SEPTIN9: variants seen among roughly 807,000 people sequenced by gnomAD.
SEPTIN9 encodes septin 9.
SEPTIN9 carries 13 observed loss-of-function variants against 56.6 expected under a neutral mutation model. The ratio of observed to expected loss-of-function variants is 0.23; its 90% CI spans 0.15 to 0.37. SEPTIN9 has a LOEUF of 0.37. Among genes scored for constraint, SEPTIN9 ranks in the 10% least tolerant of loss-of-function variants. The pLI is 1.00. For synonymous variants in SEPTIN9, 332 were observed against 334.1 expected (o/e 0.99, Z 0.07); for missense variants, 650 against 823.1 (o/e 0.79, Z 2.57).
At chr17:77,284,240 T>C (rs1456476090) in intron 1 of SEPTIN9, among the ~76,000 whole-genome samples, 1 of 146,226 alleles carries the variant, frequency 6.8e-6, no homozygotes, top group Non-Finnish European at 1.5e-5. Flanking sequence ...GCTGCAGCCC[T>C]GTGACAGCGC....
Position 77,425,990 on chromosome 17 carries a change from A to G in SEPTIN9, c.721+23287A>G, listed in dbSNP as rs1466643085. ...AGTTCAGGCCATGCCCTCAGACTGG[A>G]GGATAGGATCGGAACAGTGGGTCAG... is the stretch of plus-strand genomic sequence containing the variant. On this transcript the variant is annotated intron_variant, in intron 3 of 11. Coordinates refer to ENST00000427177, the MANE Select transcript of SEPTIN9 (RefSeq NM_001113491.2). This position sits in a 1 kb window ranked among gnomAD's most constrained non-coding sequence, Gnocchi z 4.2. 1.3e-5 allele frequency among the ~76,000 whole-genome samples: 2 copies of G among 152,080 alleles called. No homozygotes were observed. The highest frequency in any genetic ancestry group is 4.8e-5 in the African/African-American group (2 of 41,398).
At chr17:77,383,263 C>A (rs553838502) in intron 2 of SEPTIN9, among the ~76,000 whole-genome samples, 1 of 152,002 alleles carries the variant, frequency 6.6e-6, no homozygotes, top group Non-Finnish European at 1.5e-5. Context: ...TACCCACAGG[C>A]ACCTCCTGTG....
chr17:77,369,847 C>T lies in SEPTIN9; in HGVS notation c.77-32212C>T, dbSNP rs1317675367. Among the ~76,000 whole-genome samples the T allele has an allele frequency of 2.0e-5, 3 of 152,222 alleles. No homozygotes were observed. Among genetic ancestry groups the T allele is most frequent in the African/African-American group, 7.2e-5 (3 of 41,466 alleles). Reference sequence around the variant, plus strand: ...CATGGATATGGATGTGTGCGCCAAACGCTGCTTCCTCGTGGATTTCCTCCC... The same window carrying T: ...CATGGATATGGATGTGTGCGCCAAATGCTGCTTCCTCGTGGATTTCCTCCC... On this transcript the variant is annotated intron_variant, in intron 2 of 11. Coordinates refer to ENST00000427177, the MANE Select transcript of SEPTIN9 (RefSeq NM_001113491.2). This position sits in a 1 kb window ranked among gnomAD's most constrained non-coding sequence, Gnocchi z 4.9.
intron 2 of SEPTIN9, chr17:77,373,704 C>T (rs2034806579): frequency 2.2e-6 from 3 of 1,346,846 alleles, no homozygotes; most frequent in East Asian, 6.2e-5. Context: ...CTGAGAGCGC[C>T]GCGCGCCCCC....
At chr17:77,285,646 G>A (rs528183578) in intron 1 of SEPTIN9, among the ~76,000 whole-genome samples, 3 of 152,188 alleles carry the variant, frequency 2.0e-5, no homozygotes, top group East Asian at 1.9e-4. Flanking sequence ...TGATCCACCC[G>A]CCTCAGCCTC....
At chr17:77,412,181 A>C (rs939222775) in intron 3 of SEPTIN9, among the ~76,000 whole-genome samples, 2 of 151,674 alleles carry the variant, frequency 1.3e-5, no homozygotes, top group African/African-American at 4.8e-5. Context: ...ATTGGCCTCT[A>C]AAGTGGTTAC....
intron 3 of SEPTIN9, among the ~76,000 whole-genome samples, chr17:77,413,017 C>A (rs936756052): frequency 2.0e-5 from 3 of 151,904 alleles, no homozygotes; most frequent in African/African-American, 7.3e-5. Flanking sequence ...ATTTTGGTTT[C>A]AGCAGCGAGG....
chr17:77,446,560 A>AG (rs2037752608), intron 3 of SEPTIN9: 1 of 158,668 alleles, frequency 6.3e-6, no homozygotes, highest in South Asian at 2.1e-4. Context: ...CATGTTGGCC[A>AG]GGCTGGTCTT....
rs577131369 is a variant in SEPTIN9, at chr17:77,346,278, CTTTTTTTTTTTT to C, written c.76+39099_76+39110del. Among the ~76,000 whole-genome samples, 57 of 46,318 alleles carry C rather than the reference CTTTTTTTTTTTT, an allele frequency of 1.2e-3. 2 individuals carry two copies. The highest frequency in any genetic ancestry group is 2.5e-3 in the African/African-American group (32 of 13,042). 30.4% of individuals were successfully genotyped at this position (46,318 alleles called of 152,430 possible). Reference sequence around the variant, plus strand: ...AGATTCTTAAAGCAGATCCTTAGGTCTTTTTTTTTTTTTTTTTTTTTTTTTTTTTACTTCTTT... The same window carrying C: ...AGATTCTTAAAGCAGATCCTTAGGTCTTTTTTTTTTTTTTTTTACTTCTTT... On this transcript the variant is annotated intron_variant, in intron 2 of 11. Transcript: ENST00000427177.
intron 3 of SEPTIN9, among the ~76,000 whole-genome samples, chr17:77,479,658 G>A (rs1169836643): frequency 1.3e-5 from 2 of 152,198 alleles, no homozygotes; most frequent in Non-Finnish European, 2.9e-5. Context: ...GAGGGACCCA[G>A]CTGCAGCTGA....
At chr17:77,403,603 A>G (rs1445506093) in intron 3 of SEPTIN9, among the ~76,000 whole-genome samples, 3 of 152,164 alleles carry the variant, frequency 2.0e-5, no homozygotes, top group Admixed American at 1.3e-4. Flanking sequence ...TCGTGGCTCC[A>G]TGGGGCTATA....
At chr17:77,441,476 G>A (rs1437992519) in intron 3 of SEPTIN9, among the ~76,000 whole-genome samples, 1 of 152,212 alleles carries the variant, frequency 6.6e-6, no homozygotes, top group Admixed American at 6.5e-5. Flanking sequence ...GTGCTTTTAT[G>A]TTGCTAGCTC....
chr17:77,499,131 G>A lies in SEPTIN9; in HGVS notation c.*473G>A. ...GCCCAGGGGAGAATGCAGCCCACCA[G>A]GAGCACCTGGACCCCCTGCCCGCCA... On this transcript the variant is annotated 3_prime_UTR_variant, in exon 12 of 12. Coordinates refer to ENST00000427177, the MANE Select transcript of SEPTIN9 (RefSeq NM_001113491.2). The A allele has an allele frequency of 1.9e-6, 1 of 535,986 alleles. No individual in the cohort carries two copies. The highest frequency in any genetic ancestry group is 1.5e-5 in the South Asian group (1 of 65,220). 33.2% of individuals were successfully genotyped at this position (535,986 alleles called of 1,614,324 possible). A position where few individuals can be genotyped will look rare whatever the true frequency, so the allele number is the denominator to read the frequency against.
At chr17:77,390,452 CTTTT>C (rs1346255182) in intron 2 of SEPTIN9, among the ~76,000 whole-genome samples, 1 of 115,064 alleles carries the variant, frequency 8.7e-6, no homozygotes, top group Non-Finnish European at 1.7e-5. Flanking sequence ...GCACATTTCG[CTTTT>C]TTTTTTTTTT....
chr17:77,297,165 A>T (rs2031856657), intron 1 of SEPTIN9, among the ~76,000 whole-genome samples: 2 of 152,164 alleles, frequency 1.3e-5, no homozygotes, highest in Non-Finnish European at 2.9e-5. Flanking sequence ...GGCCCAGGAA[A>T]GCCAGTATCG....
chr17:77,402,778 G>A lies in SEPTIN9; in HGVS notation c.721+75G>A, dbSNP rs535856329. 1.2e-5 allele frequency: 17 copies of A among 1,447,988 alleles called. No homozygotes were observed. The South Asian group carries it at 2.1e-4, about 18-fold the overall frequency. 89.7% of individuals were successfully genotyped at this position (1,447,988 alleles called of 1,614,324 possible). On this transcript the variant is annotated intron_variant, in intron 3 of 11. Coordinates refer to ENST00000427177, the MANE Select transcript of SEPTIN9 (RefSeq NM_001113491.2). This position sits in a 1 kb window ranked among gnomAD's most constrained non-coding sequence, Gnocchi z 6.6. ...GTTGCTGGCTTTGCCACAGAATCTTGGAGGAAGAAGCTGGATATGGGGTGG... is the reference window on the plus strand; with the variant it reads ...GTTGCTGGCTTTGCCACAGAATCTTAGAGGAAGAAGCTGGATATGGGGTGG...
Position 77,330,216 on chromosome 17 carries a change from G to A in SEPTIN9, c.76+23019G>A, listed in dbSNP as rs1598203285. Reference sequence around the variant, plus strand: ...CCGTGGGTGAGAGAGGGCTTCGGGGGGACTTCCCCCTCTTGGAGCACCTGC... The same window carrying A: ...CCGTGGGTGAGAGAGGGCTTCGGGGAGACTTCCCCCTCTTGGAGCACCTGC... On this transcript the variant is annotated intron_variant, in intron 2 of 11. Transcript: ENST00000427177. This position sits in a 1 kb window ranked among gnomAD's most constrained non-coding sequence, Gnocchi z 4.4. Among the ~76,000 whole-genome samples the A allele has an allele frequency of 6.6e-6, 1 of 152,250 alleles. No individual in the cohort carries two copies. The highest frequency in any genetic ancestry group is 6.5e-5 in the Admixed American group (1 of 15,288).
rs150038337 is a variant in SEPTIN9 at position 77,348,832 on chromosome 17, C to G, written c.76+41635C>G. On this transcript the variant is annotated intron_variant, in intron 2 of 11. Transcript: ENST00000427177. ...CATACACATTGTAAACTAGACAATA[C>G]AATAAGGAAATTTTTGCTTTAAACA... 2.0e-5 allele frequency among the ~76,000 whole-genome samples: 3 copies of G among 152,224 alleles called. No homozygotes were observed. The East Asian group carries it at 5.8e-4, about 29-fold the overall frequency.
chr17:77,494,763 A>G (rs954415416), intron 10 of SEPTIN9, among the ~76,000 whole-genome samples: 80 of 152,258 alleles, frequency 5.3e-4, no homozygotes, highest in African/African-American at 1.7e-3. Flanking sequence ...TCTAGAATCT[A>G]CAGCTCCAGC....
Sources: allele counts gnomAD v4.1 joint callset (sites outside exome capture counted in the v4.1 genomes callset), GRCh38; gene constraint gnomAD v4.1.1; non-coding constraint Gnocchi (gnomAD v3.1); transcripts MANE v1.5; gene names NCBI Gene and HGNC (gene_info 2026-07-23, HGNC 2026-07-21).